ERCC8: variants seen among roughly 807,000 people sequenced by gnomAD.
ERCC8 encodes DNA excision repair protein ERCC-8.
ERCC8 carries 52 observed loss-of-function variants against 54.9 expected under a neutral mutation model. The ratio of observed to expected loss-of-function variants is 0.95; its 90% CI spans 0.76 to 1.19. The LOEUF (loss-of-function observed/expected upper bound fraction) is 1.19. ERCC8 is among the 50% of genes most tolerant of loss of function. The probability of loss-of-function intolerance (pLI) is 0.00; values close to 1 mark genes in which losing one functional copy is unlikely to be tolerated. For synonymous variants in ERCC8, 146 were observed against 157.2 expected (o/e 0.93, Z 0.53); for missense variants, 514 against 466.1 (o/e 1.10, Z -0.95).
At chr5:60,931,311 TA>T (rs758855828) in intron 1 of ERCC8, among the ~76,000 whole-genome samples, 1 of 152,166 alleles carries the variant, frequency 6.6e-6, no homozygotes, top group Non-Finnish European at 1.5e-5. Context: ...AATTTTTTTT[TA>T]AATTTACTTT....
At chr5:60,927,647 G>C (rs1217844627) in intron 2 of ERCC8, among the ~76,000 whole-genome samples, 1 of 152,136 alleles carries the variant, frequency 6.6e-6, no homozygotes, top group East Asian at 1.9e-4. Flanking sequence ...TGGCTGGCTG[G>C]AGTAACAGTA....
rs544819841 is a variant in ERCC8 at position 60,868,426 on chromosome 5, C to A, written c.*6189G>T. ...TGGTCAGTCAAGAGGACATTGGGCA[C>A]CTGAAAAGTCCTACACACAGAGAAC... On this transcript the variant is annotated 3_prime_UTR_variant, in exon 12 of 12. Transcript: ENST00000676185. 1.3e-5 allele frequency among the ~76,000 whole-genome samples: 2 copies of A among 152,096 alleles called. No individual in the cohort carries two copies. Among genetic ancestry groups the A allele is most frequent in the African/African-American group, 4.8e-5 (2 of 41,414 alleles).
intron 1 of ERCC8, among the ~76,000 whole-genome samples, chr5:60,938,048 C>CATACATAT (rs1206815920): frequency 2.6e-4 from 6 of 23,386 alleles, no homozygotes; most frequent in South Asian, 1.7e-3. Context: ...TACATACATA[C>CATACATAT]ATATATATAT....
At chr5:60,892,167 T>G in intron 9 of ERCC8, 1 of 520,990 alleles carries the variant, frequency 1.9e-6, no homozygotes, top group East Asian at 5.0e-5. Flanking sequence ...TGGTCTACAT[T>G]GAGTTTAGCC....
intron 4 of ERCC8, chr5:60,918,055 C>T: frequency 1.9e-6 from 1 of 539,326 alleles, no homozygotes; most frequent in South Asian, 2.0e-5. Flanking sequence ...ATGAGAAAGA[C>T]ACACAGAGGT....
chr5:60,896,146 C>A (rs909898614), intron 9 of ERCC8, among the ~76,000 whole-genome samples: 1 of 151,364 alleles, frequency 6.6e-6, no homozygotes, highest in Non-Finnish European at 1.5e-5. Context: ...CCACCATGCC[C>A]GGCTAATTTT....
At chr5:60,889,550 T>C (rs1276312193) in intron 10 of ERCC8, among the ~76,000 whole-genome samples, 1 of 152,144 alleles carries the variant, frequency 6.6e-6, no homozygotes, top group Admixed American at 6.6e-5. Context: ...AAGTGATGCT[T>C]TCGGCCTCCT....
At chr5:60,939,608 G>A (rs1406486066) in intron 1 of ERCC8, among the ~76,000 whole-genome samples, 2 of 152,006 alleles carry the variant, frequency 1.3e-5, no homozygotes, top group East Asian at 1.9e-4. Context: ...CCTCAGCCAC[G>A]TGAGTAGCTG....
intron 1 of ERCC8, among the ~76,000 whole-genome samples, chr5:60,937,162 C>T (rs1350830182): frequency 6.6e-6 from 1 of 152,204 alleles, no homozygotes; most frequent in Non-Finnish European, 1.5e-5. Flanking sequence ...ATACCAGCAC[C>T]GGCAACCGTA....
intron 11 of ERCC8, among the ~76,000 whole-genome samples, chr5:60,879,417 A>T (rs1459408789): frequency 1.3e-5 from 2 of 151,990 alleles, no homozygotes; most frequent in South Asian, 2.1e-4. Context: ...CAATTCCTGG[A>T]TATCCTTGTT....
chr5:60,918,179 C>T, intron 4 of ERCC8, 86 bp downstream of exon 4: 2 of 1,077,988 alleles, frequency 1.9e-6, no homozygotes, highest in South Asian at 2.5e-5. Flanking sequence ...TATATGACAT[C>T]TCAGCAAATA....
intron 11 of ERCC8, among the ~76,000 whole-genome samples, chr5:60,882,102 GA>G (rs2112464749): frequency 6.6e-6 from 1 of 152,124 alleles, no homozygotes; most frequent in Admixed American, 6.5e-5. Flanking sequence ...CAGCCTCCCA[GA>G]GTGCTGGGAT....
chr5:60,899,289 C>G (rs986344719), intron 8 of ERCC8, among the ~76,000 whole-genome samples: 1 of 151,898 alleles, frequency 6.6e-6, no homozygotes, highest in African/African-American at 2.4e-5. Context: ...CAAAATGTTA[C>G]TATTTCTGTA....
At chr5:60,911,892 G>T (rs905433605) in intron 4 of ERCC8, among the ~76,000 whole-genome samples, 1 of 152,034 alleles carries the variant, frequency 6.6e-6, no homozygotes, top group Admixed American at 6.6e-5. Flanking sequence ...GTCAAAGATT[G>T]GATGGTTGTA....
chr5:60,924,666 T>C (rs1379823530), intron 2 of ERCC8, among the ~76,000 whole-genome samples: 1 of 152,194 alleles, frequency 6.6e-6, no homozygotes, highest in Non-Finnish European at 1.5e-5. Context: ...TGGGAACTTC[T>C]ATCATATGTT....
chr5:60,931,082 C>T (rs1561515842), intron 1 of ERCC8, among the ~76,000 whole-genome samples: 1 of 151,548 alleles, frequency 6.6e-6, no homozygotes, highest in African/African-American at 2.4e-5. Flanking sequence ...GCACTCTATA[C>T]TCCAACCTGG....
intron 10 of ERCC8, 72 bp downstream of exon 10, chr5:60,890,817 T>C (rs1357491901): frequency 9.1e-7 from 1 of 1,096,184 alleles, no homozygotes; most frequent in African/African-American, 1.6e-5. Context: ...AAAATCATAA[T>C]TTATTCTTTT....
At chr5:60,879,957 G>A (rs1237341234) in intron 11 of ERCC8, among the ~76,000 whole-genome samples, 1 of 152,178 alleles carries the variant, frequency 6.6e-6, no homozygotes, top group African/African-American at 2.4e-5. Flanking sequence ...TTTCTTCCTA[G>A]CCTTGATGGT....
rs143356896 is a variant in ERCC8 at position 60,928,855 on chromosome 5, T to A, written c.173+9A>T. ...AAGAAAAATGATTATACAAGTATAATAAACTTACTATCTCCCTTCAACAGG... is the reference window on the plus strand; with the variant it reads ...AAGAAAAATGATTATACAAGTATAAAAAACTTACTATCTCCCTTCAACAGG... On this transcript the variant is annotated intron_variant, in intron 2 of 11. Coordinates refer to ENST00000676185, the MANE Select transcript of ERCC8 (RefSeq NM_000082.4). 1 of 1,510,016 alleles carries A rather than the reference T, an allele frequency of 6.6e-7. No individual in the cohort carries two copies. The highest frequency in any genetic ancestry group is 9.2e-7 in the Non-Finnish European group (1 of 1,087,376). The allele number at this position is 1,510,016 out of a possible 1,614,324, so 93.5% of individuals were successfully genotyped here.
Sources: allele counts gnomAD v4.1 joint callset (sites outside exome capture counted in the v4.1 genomes callset), GRCh38; gene constraint gnomAD v4.1.1; transcripts MANE v1.5; gene names NCBI Gene and HGNC (gene_info 2026-07-23, HGNC 2026-07-21).